OPA1: variants seen among roughly 807,000 people sequenced by gnomAD.
OPA1 encodes the protein dynamin-like GTPase OPA1, mitochondrial.
A neutral mutation model predicts 152.9 loss-of-function variants in OPA1; 59 were observed. That is an observed-to-expected ratio of 0.39 (90% CI 0.31 to 0.48). The LOEUF (loss-of-function observed/expected upper bound fraction) is 0.48, where lower values mean the gene tolerates loss of function less well. OPA1 is among the 20% of genes least tolerant of loss of function. OPA1 has a pLI of 0.96. For synonymous variants in OPA1, 400 were observed against 389.9 expected, an observed-to-expected ratio of 1.03 and a Z score of -0.31; for missense variants, 1,008 against 1,216.8, an observed-to-expected ratio of 0.83 and a Z score of 2.55.
intron 29 of OPA1, among the ~76,000 whole-genome samples, chr3:193,680,666 A>G (rs1309465341): frequency 1.3e-5 from 2 of 152,242 alleles, no homozygotes; most frequent in Non-Finnish European, 2.9e-5. Flanking sequence ...GAAAAATACA[A>G]TTTTAGGAAT....
At chr3:193,668,309 T>C in intron 29 of OPA1, 1 of 1,544,838 alleles carries the variant, frequency 6.5e-7, no homozygotes, top group East Asian at 2.4e-5. Context: ...TCCTTTTCCA[T>C]TGCAGAAATG....
intron 11 of OPA1, among the ~76,000 whole-genome samples, chr3:193,638,772 A>G (rs998761453): frequency 8.5e-5 from 13 of 152,198 alleles, no homozygotes; most frequent in Non-Finnish European, 1.5e-5. Context: ...AAATTACTAT[A>G]TTTTGTAAAT....
At chr3:193,645,905 C>T (rs1027475829) in intron 18 of OPA1, 105 bp downstream of exon 18, 7 of 936,278 alleles carry the variant, frequency 7.5e-6, no homozygotes, top group Middle Eastern at 3.2e-4. Context: ...AGTTTAACAT[C>T]GGATTTCTAG....
At chr3:193,610,758 G>C in intron 1 of OPA1, among the ~76,000 whole-genome samples, 1 of 152,310 alleles carries the variant, frequency 6.6e-6, no homozygotes, top group East Asian at 1.9e-4. Context: ...CCCCAGCCTC[G>C]CTGCCACCTT....
intron 1 of OPA1, among the ~76,000 whole-genome samples, chr3:193,605,558 CATT>C (rs1727126755): frequency 6.6e-6 from 1 of 152,100 alleles, no homozygotes; most frequent in Admixed American, 6.5e-5. Flanking sequence ...GGCCCATAAA[CATT>C]AGGTGTTTTC....
intron 30 of OPA1, among the ~76,000 whole-genome samples, chr3:193,693,929 C>T (rs1368695924): frequency 1.3e-5 from 2 of 152,142 alleles, no homozygotes; most frequent in African/African-American, 4.8e-5. Flanking sequence ...CCTGTGTGTG[C>T]TTTGCGGGGA....
At chr3:193,641,450 A>T (rs1733771335) in intron 11 of OPA1, among the ~76,000 whole-genome samples, 2 of 7,602 alleles carry the variant, frequency 2.6e-4, no homozygotes. Flanking sequence ...TGTGCGCAGG[A>T]TGTAGGGTTT....
At chr3:193,627,317 G>A (rs1224362907) in intron 7 of OPA1, 1 of 152,018 alleles carries the variant, frequency 6.6e-6, no homozygotes, top group African/African-American at 2.4e-5. Context: ...TTTAGCTTCG[G>A]TGAGCAAAAA....
intron 1 of OPA1, among the ~76,000 whole-genome samples, chr3:193,601,950 A>G (rs1726531229): frequency 6.6e-6 from 1 of 152,192 alleles, no homozygotes; most frequent in African/African-American, 2.4e-5. Context: ...CAAACCCAAC[A>G]GTTACCCTGG....
rs139974411 is a variant in OPA1, at chr3:193,607,956, C to A, written c.33-6767C>A. On this transcript the variant is annotated intron_variant, in intron 1 of 30. Coordinates refer to ENST00000361510, the MANE Select transcript of OPA1 (RefSeq NM_130837.3). ...TTTCCTTGAGCAGTGGTTTGTAGTT[C>A]TCCTTGAAGAGGTCTTTCACATCCC... Among the ~76,000 whole-genome samples the A allele has an allele frequency of 4.7e-4, 72 of 152,256 alleles. 1 individual carries two copies. In the East Asian group the frequency reaches 0.013, roughly 28 times the overall value.
chr3:193,661,601 A>C (rs774715815), intron 25 of OPA1, among the ~76,000 whole-genome samples: 4 of 152,218 alleles, frequency 2.6e-5, no homozygotes, highest in Non-Finnish European at 5.9e-5. Context: ...CCATTCTCTG[A>C]AAAGTATTTT....
At chr3:193,676,032 C>T (rs955172808) in intron 29 of OPA1, among the ~76,000 whole-genome samples, 2 of 152,202 alleles carry the variant, frequency 1.3e-5, no homozygotes, top group African/African-American at 2.4e-5. Context: ...TTCCTAATAT[C>T]GTGCAGTCTG....
intron 1 of OPA1, among the ~76,000 whole-genome samples, chr3:193,603,307 GTT>G (rs1358325135): frequency 6.6e-6 from 1 of 152,190 alleles, no homozygotes; most frequent in East Asian, 1.9e-4. Context: ...GCGTTGCACT[GTT>G]TATTAAATAG....
chr3:193,659,553 C>A lies in OPA1; in HGVS notation c.2512C>A (p.Gln838Lys). The change falls in exon 25 of 31, where the codon CAA becomes AAA. Residue 838 changes from glutamine (Q) to lysine (K), a missense_variant. Coordinates refer to ENST00000361510, the MANE Select transcript of OPA1 (RefSeq NM_130837.3). ...KRWLYWKNRT[Q>K]EQCVHNETKN... ...GTGGTTATACTGGAAGAATCGGACC[C>A]AAGAACAGGTAGAAATAAACAAGTC... 1 of 1,610,128 alleles carries A rather than the reference C, an allele frequency of 6.2e-7. No individual in the cohort carries two copies. Among genetic ancestry groups the A allele is most frequent in the Non-Finnish European group, 8.5e-7 (1 of 1,177,538 alleles).
chr3:193,613,060 G>A (rs535019244), intron 1 of OPA1, among the ~76,000 whole-genome samples: 230 of 152,328 alleles, frequency 1.5e-3, no homozygotes, highest in African/African-American at 5.2e-3. Flanking sequence ...CACCAGATCT[G>A]TTAAAAGAAA....
At chr3:193,660,534 T>G (rs1421898241) in intron 25 of OPA1, among the ~76,000 whole-genome samples, 1 of 152,166 alleles carries the variant, frequency 6.6e-6, no homozygotes, top group Non-Finnish European at 1.5e-5. Context: ...ATTTCTTTAT[T>G]TTATATTTTC....
intron 29 of OPA1, among the ~76,000 whole-genome samples, chr3:193,676,794 C>A (rs1449521044): frequency 8.5e-5 from 13 of 152,082 alleles, no homozygotes; most frequent in African/African-American, 2.9e-4. Flanking sequence ...TCCTGGCTAA[C>A]ACAGTGAAAC....
intron 1 of OPA1, among the ~76,000 whole-genome samples, chr3:193,611,336 C>T (rs554103835): frequency 2.0e-5 from 3 of 152,198 alleles, no homozygotes; most frequent in East Asian, 1.9e-4. Flanking sequence ...CGATGGCTCA[C>T]GCCTGTAATC....
At chr3:193,647,938 C>T in intron 19 of OPA1, 132 bp from the exon 20 acceptor site, 2 of 698,370 alleles carry the variant, frequency 2.9e-6, no homozygotes, top group South Asian at 3.1e-5. Context: ...GTTGAGATCC[C>T]AGAGTACTAA....
Sources: gnomAD v4.1 joint callset for allele counts (sites outside exome capture counted in the v4.1 genomes callset) on GRCh38, gnomAD v4.1.1 for gene constraint, MANE v1.5 for transcripts, NCBI Gene and HGNC (gene_info 2026-07-23, HGNC 2026-07-21) for gene names.